LEPR: variants seen among roughly 807,000 people sequenced by gnomAD.
LEPR encodes leptin receptor.
Under a neutral mutation model 114.7 loss-of-function variants are expected in LEPR, and 56 were observed. The observed-to-expected ratio is 0.49, with a 90% confidence interval of 0.39 to 0.61. LEPR has a LOEUF of 0.61. Among genes scored for constraint, LEPR ranks in the 20% least tolerant of loss-of-function variants. The probability of loss-of-function intolerance (pLI) is 0.00; values close to 1 mark genes in which losing one functional copy is unlikely to be tolerated. For synonymous variants in LEPR, 443 were observed against 461.4 expected (o/e 0.96, Z 0.51); for missense variants, 1,202 against 1,352.9 (o/e 0.89, Z 1.75).
intron 11 of LEPR, among the ~76,000 whole-genome samples, chr1:65,606,452 A>G (rs1183271862): frequency 6.6e-6 from 1 of 152,192 alleles, no homozygotes; most frequent in Non-Finnish European, 1.5e-5. Flanking sequence ...AGTACTAGAA[A>G]GTAACTCAAC....
chr1:65,604,737 C>G (rs1027446979), intron 10 of LEPR, among the ~76,000 whole-genome samples: 4 of 152,222 alleles, frequency 2.6e-5, no homozygotes, highest in African/African-American at 4.8e-5. Context: ...ACCACCTGCG[C>G]TCCACCTCCT....
At chr1:65,613,739 A>AACAG (rs1657334435) in intron 14 of LEPR, among the ~76,000 whole-genome samples, 4 of 46,080 alleles carry the variant, frequency 8.7e-5, no homozygotes, top group African/African-American at 4.4e-4. Context: ...CGGCCTGGGC[A>AACAG]ACAGAGCGAG....
chr1:65,582,946 A>G (rs1294956156), intron 5 of LEPR, among the ~76,000 whole-genome samples: 1 of 152,234 alleles, frequency 6.6e-6, no homozygotes, highest in Non-Finnish European at 1.5e-5. Flanking sequence ...TATATCTTCA[A>G]AAGTTAATAA....
At chr1:65,421,317 T>C in intron 1 of LEPR, 1 of 1,529,928 alleles carries the variant, frequency 6.5e-7, no homozygotes, top group Non-Finnish European at 8.7e-7. Flanking sequence ...GTTTTCTCTG[T>C]TTATGGACAG....
At chr1:65,520,264 G>A (rs982299732) in intron 2 of LEPR, among the ~76,000 whole-genome samples, 2 of 152,136 alleles carry the variant, frequency 1.3e-5, no homozygotes, top group African/African-American at 4.8e-5. Flanking sequence ...CCAAAGTGTT[G>A]GGATTACAGG....
At chr1:65,532,963 A>G (rs751586061) in intron 2 of LEPR, among the ~76,000 whole-genome samples, 1 of 152,244 alleles carries the variant, frequency 6.6e-6, no homozygotes, top group Non-Finnish European at 1.5e-5. Context: ...ATTGTATGCT[A>G]TAAAAGAGTG....
intron 2 of LEPR, among the ~76,000 whole-genome samples, chr1:65,552,084 T>G (rs1652421556): frequency 6.6e-6 from 1 of 152,198 alleles, no homozygotes; most frequent in Non-Finnish European, 1.5e-5. Flanking sequence ...TTTGTTATGA[T>G]TTCTGTTCTT....
At chr1:65,483,486 T>A (rs1321209146) in intron 2 of LEPR, among the ~76,000 whole-genome samples, 1 of 152,186 alleles carries the variant, frequency 6.6e-6, no homozygotes, top group Non-Finnish European at 1.5e-5. Flanking sequence ...CCTAAGTTTT[T>A]GAGGGAGTTA....
At chr1:65,564,800 A>G (rs1431588298) in intron 2 of LEPR, among the ~76,000 whole-genome samples, 6 of 152,130 alleles carry the variant, frequency 3.9e-5, no homozygotes, top group Non-Finnish European at 7.4e-5. Context: ...CCTGATGCCT[A>G]ATTCAGGTAG....
At position 65,479,007 on chromosome 1, in the gene LEPR, GT is replaced by G. The variant is rs780731987; in HGVS notation, c.-21+53633del. ...AAATACTTGTCCCAGGTCCAGTTTC[GT>G]TTTGCAGGATTCAGAAAGAGTTGTG... On this transcript the variant is annotated intron_variant, in intron 2 of 19. Transcript: ENST00000349533. Among the ~76,000 whole-genome samples, 198 of 152,280 alleles carry G rather than the reference GT, an allele frequency of 1.3e-3. 1 individual carries two copies. Among genetic ancestry groups the G allele is most frequent in the Non-Finnish European group, 2.4e-3 (164 of 68,002 alleles).
At chr1:65,489,858 TCAG>T (rs1647772645) in intron 2 of LEPR, among the ~76,000 whole-genome samples, 1 of 152,146 alleles carries the variant, frequency 6.6e-6, no homozygotes, top group South Asian at 2.1e-4. Context: ...ACTTGTGAGT[TCAG>T]TTTTATGGGT....
In LEPR at chr1:65,610,770, C is replaced by T. The variant is rs536960894; in HGVS notation, c.1995+474C>T. On this transcript the variant is annotated intron_variant, in intron 14 of 19. Coordinates refer to ENST00000349533, the MANE Select transcript of LEPR (RefSeq NM_002303.6). ...GTCCCATATATGATGGCTGTTTAGC[C>T]TAGTAATTTTCAAAGCATCCTCTCC... Among the ~76,000 whole-genome samples, 23 of 152,274 alleles carry T rather than the reference C, an allele frequency of 1.5e-4. No homozygotes were observed. The South Asian group carries it at 4.8e-3, about 32-fold the overall frequency.
chr1:65,627,520 A>G (rs1658290840), intron 19 of LEPR, among the ~76,000 whole-genome samples: 1 of 152,154 alleles, frequency 6.6e-6, no homozygotes, highest in South Asian at 2.1e-4. Context: ...TGGGAATGGA[A>G]TAGCAACTCT....
chr1:65,531,399 TTCCTTTCCTTTCCTTTCCTTTCC>T (rs1043093822), intron 2 of LEPR, among the ~76,000 whole-genome samples: 3 of 15,360 alleles, frequency 2.0e-4, no homozygotes, highest in Admixed American at 8.3e-4. Flanking sequence ...TATATTCTTT[TTCCTTTCCTTTCCTTTCCTTTCC>T]TCCTTTCCTT....
chr1:65,479,863 T>G (rs1405270860), intron 2 of LEPR, among the ~76,000 whole-genome samples: 1 of 152,078 alleles, frequency 6.6e-6, no homozygotes, highest in Non-Finnish European at 1.5e-5. Context: ...AAAAGAAACT[T>G]GATCTTAGTA....
intron 2 of LEPR, among the ~76,000 whole-genome samples, chr1:65,554,582 C>G (rs574728820): frequency 6.6e-6 from 1 of 152,164 alleles, no homozygotes; most frequent in South Asian, 2.1e-4. Flanking sequence ...TTGAGTGTCC[C>G]AGGTCGATTT....
chr1:65,591,152 A>T (rs1570766136), intron 5 of LEPR, among the ~76,000 whole-genome samples: 1 of 151,986 alleles, frequency 6.6e-6, no homozygotes, highest in East Asian at 1.9e-4. Flanking sequence ...GGCCTTTCCA[A>T]ATATCTTTCT....
intron 2 of LEPR, chr1:65,435,064 G>C (rs1164302826): frequency 1.0e-6 from 1 of 985,306 alleles, no homozygotes; most frequent in African/African-American, 1.7e-5. Flanking sequence ...TGGGAGAACG[G>C]AATGAAGAAA....
chr1:65,630,307 A>T, intron 19 of LEPR: 1 of 257,596 alleles, frequency 3.9e-6, no homozygotes, highest in Non-Finnish European at 7.5e-6. Flanking sequence ...GCATAGGAAA[A>T]CCAGAGACCT....
Sources: allele counts gnomAD v4.1 joint callset (sites outside exome capture counted in the v4.1 genomes callset), GRCh38; gene constraint gnomAD v4.1.1; transcripts MANE v1.5; gene names NCBI Gene and HGNC (gene_info 2026-07-23, HGNC 2026-07-21).